The following YWHAG variants were observed in gnomAD, a reference collection of about 807,000 sequenced individuals.
YWHAG encodes the protein tyrosine 3-monooxygenase/tryptophan 5-monooxygenase activation protein gamma.
Under a neutral mutation model 23.3 loss-of-function variants are expected in YWHAG, and 1 was observed. The observed-to-expected ratio is 0.04, with a 90% CI of 0.02 to 0.20. YWHAG has a LOEUF of 0.20. Among genes scored for constraint, YWHAG ranks in the 10% least tolerant of loss-of-function variants. YWHAG has a pLI of 1.00. For synonymous variants in YWHAG, 160 were observed against 144.0 expected, an observed-to-expected ratio of 1.11 and a Z score of -0.80; for missense variants, 151 against 338.6, an observed-to-expected ratio of 0.45 and a Z score of 4.35.
intron 1 of YWHAG, among the ~76,000 whole-genome samples, chr7:76,332,802 C>A (rs1189921907): frequency 1.3e-5 from 2 of 151,152 alleles, no homozygotes; most frequent in East Asian, 3.9e-4. Context: ...CCCCCAAGTT[C>A]AAGCGATTCT....
chr7:76,350,734 C>T (rs1359893951), intron 1 of YWHAG, among the ~76,000 whole-genome samples: 2 of 152,106 alleles, frequency 1.3e-5, no homozygotes, highest in Non-Finnish European at 2.9e-5. Context: ...ATCCCAGCTA[C>T]TTGGGAAGCT....
At chr7:76,336,294 T>C (rs954231029) in intron 1 of YWHAG, among the ~76,000 whole-genome samples, 5 of 152,118 alleles carry the variant, frequency 3.3e-5, no homozygotes, top group African/African-American at 1.2e-4. Flanking sequence ...CTGTAAACTG[T>C]GGACCTTGGG....
chr7:76,351,950 G>A (rs1481932926), intron 1 of YWHAG, among the ~76,000 whole-genome samples: 1 of 152,164 alleles, frequency 6.6e-6, no homozygotes, highest in Non-Finnish European at 1.5e-5. Flanking sequence ...TGCCAAAAAG[G>A]TTGGGGACCA....
intron 1 of YWHAG, among the ~76,000 whole-genome samples, chr7:76,334,888 TTG>T (rs1394095616): frequency 6.6e-6 from 1 of 152,028 alleles, no homozygotes; most frequent in East Asian, 1.9e-4. Flanking sequence ...GGTTAATAAA[TTG>T]TTTCTACGAA....
intron 1 of YWHAG, among the ~76,000 whole-genome samples, chr7:76,333,954 G>C (rs927333064): frequency 6.6e-6 from 1 of 152,250 alleles, no homozygotes; most frequent in Admixed American, 6.5e-5. Flanking sequence ...GCAGTGCCCA[G>C]AGAGGCAATC....
chr7:76,339,922 C>G (rs1304154146), intron 1 of YWHAG, among the ~76,000 whole-genome samples: 2 of 152,086 alleles, frequency 1.3e-5, no homozygotes, highest in African/African-American at 4.8e-5. Context: ...AACCCCGTCT[C>G]TACTAAAATA....
intron 1 of YWHAG, among the ~76,000 whole-genome samples, chr7:76,344,888 C>G (rs1285729306): frequency 6.6e-6 from 1 of 152,178 alleles, no homozygotes; most frequent in Non-Finnish European, 1.5e-5. Flanking sequence ...TCTCTTAGCA[C>G]GTTCCCTTCA....
chr7:76,327,686 C>CCCCCCCCCCCCCCG lies in YWHAG; in HGVS notation c.*1890_*1891insCGGGGGGGGGGGGG, dbSNP rs1803468436. 1.7e-5 allele frequency: 2 copies of CCCCCCCCCCCCCCG among 116,976 alleles called. No homozygotes were observed. Among genetic ancestry groups the CCCCCCCCCCCCCCG allele is most frequent in the Non-Finnish European group, 1.8e-5 (1 of 55,384 alleles). The allele number at this position is 116,976 out of a possible 1,614,324, so 7.2% of individuals were successfully genotyped here. A position where few individuals can be genotyped will look rare whatever the true frequency, so the allele number is the denominator to read the frequency against. Reference sequence around the variant, plus strand: ...CTACCCTGCCCCCCCCCCCCTCCCCCCCCAAATCGTCTTCCTCCCATGGCA... The same window carrying CCCCCCCCCCCCCCG: ...CTACCCTGCCCCCCCCCCCCTCCCCCCCCCCCCCCCCCCGCCCAAATCGTCTTCCTCCCATGGCA... On this transcript the variant is annotated 3_prime_UTR_variant, in exon 2 of 2. Transcript: ENST00000307630.
At chr7:76,351,829 T>A (rs1433354003) in intron 1 of YWHAG, among the ~76,000 whole-genome samples, 1 of 152,152 alleles carries the variant, frequency 6.6e-6, no homozygotes, top group Admixed American at 6.5e-5. Context: ...AATGTAGCAA[T>A]AATAAAGTGC....
rs1221900748 is a variant in YWHAG, at chr7:76,327,684, C to A, written c.*1893G>T. ...ACCTACCCTGCCCCCCCCCCCCTCC[C>A]CCCCCAAATCGTCTTCCTCCCATGG... On this transcript the variant is annotated 3_prime_UTR_variant, in exon 2 of 2. Coordinates refer to ENST00000307630, the MANE Select transcript of YWHAG (RefSeq NM_012479.4). The A allele has an allele frequency of 1.7e-5, 2 of 116,492 alleles. No individual in the cohort carries two copies. Among genetic ancestry groups the A allele is most frequent in the African/African-American group, 6.8e-5 (2 of 29,212 alleles). 7.2% of individuals were successfully genotyped at this position (116,492 alleles called of 1,614,324 possible). A position where few individuals can be genotyped will look rare whatever the true frequency, so the allele number is the denominator to read the frequency against.
At chr7:76,349,461 AC>A (rs1803842030) in intron 1 of YWHAG, among the ~76,000 whole-genome samples, 1 of 151,880 alleles carries the variant, frequency 6.6e-6, no homozygotes, top group Non-Finnish European at 1.5e-5. Flanking sequence ...ACACACACAC[AC>A]ACACAGCCAG....
intron 1 of YWHAG, among the ~76,000 whole-genome samples, chr7:76,331,897 T>C (rs76674324): frequency 0.027 from 4,124 of 152,086 alleles, 199 homozygotes; most frequent in African/African-American, 0.093. Flanking sequence ...GCAAAAGTGA[T>C]TACAGTCATT....
chr7:76,348,246 A>G (rs1322251584), intron 1 of YWHAG, among the ~76,000 whole-genome samples: 1 of 151,078 alleles, frequency 6.6e-6, no homozygotes, highest in Non-Finnish European at 1.5e-5. Flanking sequence ...AAAAACTTAA[A>G]ACAAGAGCCT....
chr7:76,348,736 C>T (rs1803825111), intron 1 of YWHAG, among the ~76,000 whole-genome samples: 1 of 151,732 alleles, frequency 6.6e-6, no homozygotes, highest in Admixed American at 6.6e-5. Context: ...GACAGGGCTT[C>T]ACCATGTTGG....
At chr7:76,345,279 G>A (rs763798303) in intron 1 of YWHAG, among the ~76,000 whole-genome samples, 4 of 148,954 alleles carry the variant, frequency 2.7e-5, no homozygotes, top group Non-Finnish European at 5.9e-5. Context: ...TCTGCCTCCC[G>A]GGTTCACACC....
intron 1 of YWHAG, among the ~76,000 whole-genome samples, chr7:76,334,736 AAAG>A (rs1040426422): frequency 6.7e-6 from 1 of 149,020 alleles, no homozygotes; most frequent in African/African-American, 2.5e-5. Context: ...TTAAAAAAAA[AAAG>A]AAAGAAAGAA....
intron 1 of YWHAG, among the ~76,000 whole-genome samples, chr7:76,339,060 C>A (rs931714996): frequency 3.9e-5 from 6 of 152,172 alleles, no homozygotes; most frequent in African/African-American, 1.2e-4. Context: ...TCTTGAAAGC[C>A]AAGTTTTCAG....
At chr7:76,335,068 AT>A (rs910719087) in intron 1 of YWHAG, among the ~76,000 whole-genome samples, 5 of 151,726 alleles carry the variant, frequency 3.3e-5, no homozygotes, top group Non-Finnish European at 7.4e-5. Flanking sequence ...TATTTTATTT[AT>A]TTTTTTTGAG....
intron 1 of YWHAG, among the ~76,000 whole-genome samples, chr7:76,351,319 G>A (rs1206514746): frequency 6.6e-6 from 1 of 151,996 alleles, no homozygotes; most frequent in African/African-American, 2.4e-5. Context: ...AGCTTTCCTC[G>A]CCTTGGAATG....
Sources: allele counts gnomAD v4.1 joint callset (sites outside exome capture counted in the v4.1 genomes callset), GRCh38; gene constraint gnomAD v4.1.1; transcripts MANE v1.5; gene names NCBI Gene and HGNC (gene_info 2026-07-23, HGNC 2026-07-21).